PDPR: variants seen among roughly 807,000 people sequenced by gnomAD.
The protein encoded by PDPR is pyruvate dehydrogenase phosphatase regulatory subunit, mitochondrial.
In PDPR, 50 loss-of-function variants were observed where a neutral mutation model predicts 102.2. The observed-to-expected ratio is 0.49, with a 90% CI of 0.39 to 0.62. The LOEUF is 0.62. PDPR is among the 20% of genes least tolerant of loss of function. The pLI is 0.00. For missense variants in PDPR, 625 were observed against 1,098.2 expected (o/e 0.57, Z 6.09); for synonymous variants, 259 against 406.0 (o/e 0.64, Z 4.35).
At chr16:70,142,862 C>G (rs559546410) in intron 13 of PDPR, among the ~76,000 whole-genome samples, 176 bp downstream of exon 13, 50 of 152,384 alleles carry the variant, frequency 3.3e-4, no homozygotes, top group African/African-American at 1.1e-3. Flanking sequence ...AGTTCCAGAC[C>G]AGCCTGGCCA....
rs939145790 is a variant in PDPR, at chr16:70,160,017, A to G, written c.*3138A>G. ...TTTTCTCTCTGCAATTACCTGTCAT[A>G]GCATTTTGTGCTCACCACGAAGGAT... On this transcript the variant is annotated 3_prime_UTR_variant, in exon 19 of 19. Transcript: ENST00000288050. 3 of 153,098 alleles carry G rather than the reference A, an allele frequency of 2.0e-5. No homozygotes were observed. The highest frequency in any genetic ancestry group is 7.2e-5 in the African/African-American group (3 of 41,490). The allele number at this position is 153,098 out of a possible 1,614,324, so 9.5% of individuals were successfully genotyped here.
At position 70,141,156 on chromosome 16, in the gene PDPR, C is replaced by T. The variant is rs574089918; in HGVS notation, c.1316-1078C>T. Reference sequence around the variant, plus strand: ...GCAACCTCTGCCTCCTGGGTTCAAACAATTCTCCTGCCTCAGCCTCCCGAG... The same window carrying T: ...GCAACCTCTGCCTCCTGGGTTCAAATAATTCTCCTGCCTCAGCCTCCCGAG... On this transcript the variant is annotated intron_variant, in intron 11 of 18. Transcript: ENST00000288050. Among the ~76,000 whole-genome samples, 531 of 152,184 alleles carry T rather than the reference C, an allele frequency of 3.5e-3. 2 individuals are homozygous for T. Among genetic ancestry groups the T allele is most frequent in the African/African-American group, 0.012 (497 of 41,448 alleles).
chr16:70,155,039 A>C (rs1467150376), intron 18 of PDPR, among the ~76,000 whole-genome samples: 2 of 152,304 alleles, frequency 1.3e-5, no homozygotes, highest in East Asian at 2.0e-4. Context: ...TAAAAATATA[A>C]AAATTAGCTG....
chr16:70,138,472 C>T (rs1378251442), intron 10 of PDPR, among the ~76,000 whole-genome samples: 4 of 152,202 alleles, frequency 2.6e-5, no homozygotes, highest in Admixed American at 6.5e-5. Flanking sequence ...CTGCCTCGGC[C>T]TCCCAAAGTG....
At chr16:70,151,146 G>C (rs1966705529) in intron 17 of PDPR, among the ~76,000 whole-genome samples, 1 of 152,256 alleles carries the variant, frequency 6.6e-6, no homozygotes, top group South Asian at 2.1e-4. Context: ...GTGTTGGCCA[G>C]GATGGTCTCA....
downstream of PDPR, among the ~76,000 whole-genome samples, chr16:70,163,179 C>T (rs1196287789): frequency 2.6e-5 from 4 of 152,364 alleles, no homozygotes; most frequent in African/African-American, 9.6e-5. Context: ...AACCCCCAAC[C>T]TCAAGTGATC....
intron 10 of PDPR, among the ~76,000 whole-genome samples, chr16:70,138,182 C>T (rs1451369203): frequency 5.4e-5 from 8 of 147,868 alleles, no homozygotes; most frequent in East Asian, 4.1e-4. Flanking sequence ...GCTGGGATTA[C>T]AGGCATGTGC....
At chr16:70,121,457 T>G (rs1490284474) in intron 3 of PDPR, among the ~76,000 whole-genome samples, 5 of 151,764 alleles carry the variant, frequency 3.3e-5, no homozygotes, top group African/African-American at 1.2e-4. Flanking sequence ...TCTGGGAGGC[T>G]GAGGTGGGCA....
At chr16:70,123,206 G>A (rs1179124467) in intron 3 of PDPR, among the ~76,000 whole-genome samples, 1 of 152,176 alleles carries the variant, frequency 6.6e-6, no homozygotes, top group South Asian at 2.1e-4. Flanking sequence ...CCGGCCCGCA[G>A]TGGATACTTT....
intron 9 of PDPR, among the ~76,000 whole-genome samples, chr16:70,133,003 G>C (rs921859062): frequency 1.3e-5 from 2 of 151,962 alleles, no homozygotes; most frequent in East Asian, 3.9e-4. Context: ...TGTTGAGATG[G>C]GGTCTCGCTG....
intron 17 of PDPR, among the ~76,000 whole-genome samples, chr16:70,153,160 A>G (rs1172282789): frequency 1.3e-5 from 2 of 152,282 alleles, no homozygotes; most frequent in Non-Finnish European, 2.9e-5. Flanking sequence ...CATTTTAGAG[A>G]GGTGAAAAGA....
intron 11 of PDPR, among the ~76,000 whole-genome samples, chr16:70,140,148 C>T (rs951168162): frequency 3.9e-5 from 6 of 152,196 alleles, no homozygotes; most frequent in African/African-American, 1.4e-4. Context: ...CCAGCCTAGG[C>T]AACGTAGCGA....
chr16:70,145,298 G>A (rs550859327), intron 15 of PDPR, among the ~76,000 whole-genome samples: 12 of 152,282 alleles, frequency 7.9e-5, no homozygotes, highest in East Asian at 1.9e-4. Flanking sequence ...CCACCACGCC[G>A]GGCTAATTTC....
chr16:70,144,671 T>A (rs1392148407), intron 15 of PDPR, 138 bp downstream of exon 15: 1 of 627,358 alleles, frequency 1.6e-6, no homozygotes, highest in East Asian at 3.3e-5. Context: ...AGAAAATTGA[T>A]CTCTAGGGGA....
intron 17 of PDPR, among the ~76,000 whole-genome samples, chr16:70,150,150 C>G (rs1192641388): frequency 2.2e-5 from 3 of 135,532 alleles, no homozygotes; most frequent in Non-Finnish European, 3.1e-5. Flanking sequence ...GTCCCCCAGG[C>G]TGGAGTGCGA....
chr16:70,148,340 C>G lies in PDPR; in HGVS notation c.1963-124C>G. On this transcript the variant is annotated intron_variant, in intron 16 of 18. Coordinates refer to ENST00000288050, the MANE Select transcript of PDPR (RefSeq NM_017990.5). The stretch of plus-strand genomic sequence containing the variant: ...AACCACTTTCGGGATGAAATTCTTG[C>G]CTTGACGTCTGTCTCCCTCAACAGT... 3.7e-6 allele frequency: 3 copies of G among 800,254 alleles called. No individual in the cohort carries two copies. In the South Asian group the frequency reaches 4.7e-5, roughly 13 times the overall value. The allele number at this position is 800,254 out of a possible 1,614,324, so 49.6% of individuals were successfully genotyped here. A position where few individuals can be genotyped will look rare whatever the true frequency, so the allele number is the denominator to read the frequency against.
chr16:70,123,834 C>T (rs1341799866), intron 3 of PDPR, among the ~76,000 whole-genome samples: 3 of 152,242 alleles, frequency 2.0e-5, no homozygotes, highest in African/African-American at 4.8e-5. Context: ...GAGTGGATCA[C>T]CGGAGATCAG....
rs573870161 is a variant in PDPR at position 70,150,442 on chromosome 16, A to G, written c.2052+1889A>G. The stretch of plus-strand genomic sequence containing the variant: ...TCCTATAATTTCCTTCCTTTGTTCT[A>G]TTGTGACAGGTAGCAATCAATGATT... On this transcript the variant is annotated intron_variant, in intron 17 of 18. Coordinates refer to ENST00000288050, the MANE Select transcript of PDPR (RefSeq NM_017990.5). 9.9e-5 allele frequency among the ~76,000 whole-genome samples: 15 copies of G among 151,902 alleles called. No individual in the cohort carries two copies. The South Asian group carries it at 1.0e-3, about 11-fold the overall frequency.
At chr16:70,132,684 C>A (rs7200360) in intron 9 of PDPR, among the ~76,000 whole-genome samples, 1 of 151,514 alleles carries the variant, frequency 6.6e-6, no homozygotes, top group East Asian at 1.9e-4. Context: ...GACATGGTCT[C>A]GCCATGTTGC....
Sources: allele counts gnomAD v4.1 joint callset (sites outside exome capture counted in the v4.1 genomes callset), GRCh38; gene constraint gnomAD v4.1.1; transcripts MANE v1.5; gene names NCBI Gene and HGNC (gene_info 2026-07-23, HGNC 2026-07-21).